Variants in OPCML observed in about 807,000 individuals in gnomAD.
OPCML encodes the protein opioid-binding protein/cell adhesion molecule.
OPCML carries 13 observed loss-of-function variants against 37.8 expected under a neutral mutation model. The ratio of observed to expected loss-of-function variants is 0.34; its 90% CI spans 0.22 to 0.55. The LOEUF (loss-of-function observed/expected upper bound fraction) is 0.55. OPCML is among the 20% of genes least tolerant of loss of function. OPCML has a pLI of 0.91. For missense variants in OPCML, 341 were observed against 435.6 expected (o/e 0.78, Z 1.93); for synonymous variants, 176 against 168.8 (o/e 1.04, Z -0.33).
chr11:133,003,103 G>T (rs1459985308), intron 1 of OPCML, among the ~76,000 whole-genome samples: 1 of 152,196 alleles, frequency 6.6e-6, no homozygotes. Flanking sequence ...AAGAAGATTT[G>T]CTTCATTAAG....
At chr11:132,546,389 G>C (rs1040408691) in intron 3 of OPCML, among the ~76,000 whole-genome samples, 3 of 152,130 alleles carry the variant, frequency 2.0e-5, no homozygotes, top group Non-Finnish European at 2.9e-5. Context: ...CACCCAAGTA[G>C]TATACACTGC....
intron 1 of OPCML, among the ~76,000 whole-genome samples, chr11:133,317,629 T>G (rs1214548837): frequency 6.6e-6 from 1 of 152,232 alleles, no homozygotes; most frequent in Non-Finnish European, 1.5e-5. Flanking sequence ...GTATTTGTCA[T>G]ATGTTTATGG....
At chr11:132,635,576 A>G (rs1940440566) in intron 3 of OPCML, among the ~76,000 whole-genome samples, 1 of 94,308 alleles carries the variant, frequency 1.1e-5, no homozygotes, top group African/African-American at 4.1e-5. Flanking sequence ...TGTCTTGCCT[A>G]CCAGAGAAAT....
chr11:133,185,704 A>G (rs1050841786), intron 1 of OPCML, among the ~76,000 whole-genome samples: 7 of 152,210 alleles, frequency 4.6e-5, no homozygotes, highest in South Asian at 4.1e-4. Flanking sequence ...TGAGAACAAA[A>G]AAAACAACCG....
intron 4 of OPCML, among the ~76,000 whole-genome samples, chr11:132,485,082 T>C (rs2096195211): frequency 2.1e-5 from 3 of 146,206 alleles, no homozygotes; most frequent in Non-Finnish European, 3.0e-5. Flanking sequence ...AAAAAAATAA[T>C]AATAATAAAA....
intron 3 of OPCML, among the ~76,000 whole-genome samples, chr11:132,550,909 T>A (rs2096380116): frequency 6.6e-6 from 1 of 152,218 alleles, no homozygotes; most frequent in South Asian, 2.1e-4. Context: ...CTAGTTAAAA[T>A]TTATTTTTTG....
intron 1 of OPCML, among the ~76,000 whole-genome samples, chr11:132,962,699 C>T (rs937255875): frequency 3.9e-5 from 6 of 152,230 alleles, no homozygotes; most frequent in African/African-American, 1.4e-4. Context: ...GTACCATCCC[C>T]ACCTTGGAGC....
intron 2 of OPCML, among the ~76,000 whole-genome samples, chr11:132,666,614 A>G (rs190540043): frequency 5.3e-5 from 8 of 152,366 alleles, no homozygotes; most frequent in African/African-American, 1.9e-4. Flanking sequence ...AAGAAGTAAC[A>G]TAATTGTTAG....
intron 2 of OPCML, among the ~76,000 whole-genome samples, chr11:132,693,227 G>A (rs563750697): frequency 1.3e-5 from 2 of 152,338 alleles, no homozygotes; most frequent in Non-Finnish European, 2.9e-5. Context: ...GACAAGGGGA[G>A]TGAGTGGAAG....
chr11:133,371,303 A>G (rs1446593884), intron 1 of OPCML, among the ~76,000 whole-genome samples: 1 of 152,216 alleles, frequency 6.6e-6, no homozygotes, highest in East Asian at 1.9e-4. Flanking sequence ...CTGACCTACT[A>G]CTGGGTATTT....
chr11:132,775,723 C>T (rs1399702452), intron 2 of OPCML, among the ~76,000 whole-genome samples: 2 of 152,210 alleles, frequency 1.3e-5, no homozygotes, highest in Non-Finnish European at 2.9e-5. Flanking sequence ...CCTGCAGAGG[C>T]TCCTAGAAAA....
intron 3 of OPCML, among the ~76,000 whole-genome samples, chr11:132,606,821 G>C (rs977809681): frequency 1.3e-5 from 2 of 152,166 alleles, no homozygotes; most frequent in African/African-American, 4.8e-5. Context: ...TGGACTTGGG[G>C]CTGGAATTGA....
At chr11:133,026,576 A>G (rs4575288) in intron 1 of OPCML, 572,741 of 983,316 alleles carry the variant, frequency 0.58, 168,137 homozygotes, top group East Asian at 0.81. Flanking sequence ...GTCTAGGTGA[A>G]ACTGTGATTC....
At chr11:133,382,965 G>C (rs2136785433) in intron 1 of OPCML, among the ~76,000 whole-genome samples, 1 of 152,274 alleles carries the variant, frequency 6.6e-6, no homozygotes, top group East Asian at 1.9e-4. Flanking sequence ...CAGAGTAATG[G>C]CACAGACATG....
intron 2 of OPCML, among the ~76,000 whole-genome samples, chr11:132,743,443 T>C (rs1945505052): frequency 6.6e-6 from 1 of 152,176 alleles, no homozygotes; most frequent in Non-Finnish European, 1.5e-5. Flanking sequence ...GGAAGGATTA[T>C]GGGAAGGACA....
At chr11:132,700,235 C>T (rs1943754280) in intron 2 of OPCML, among the ~76,000 whole-genome samples, 1 of 151,220 alleles carries the variant, frequency 6.6e-6, no homozygotes, top group Non-Finnish European at 1.5e-5. Flanking sequence ...TCTTGTTTGT[C>T]CTTTTAAAAA....
intron 2 of OPCML, among the ~76,000 whole-genome samples, chr11:132,847,595 A>G (rs1941605935): frequency 6.6e-6 from 1 of 152,166 alleles, no homozygotes; most frequent in Non-Finnish European, 1.5e-5. Context: ...GGGAGAGCAA[A>G]GGCAGGAAGT....
intron 1 of OPCML, among the ~76,000 whole-genome samples, chr11:133,106,742 G>A (rs905844084): frequency 6.6e-6 from 1 of 152,190 alleles, no homozygotes; most frequent in African/African-American, 2.4e-5. Context: ...GGGGAGTGGA[G>A]AAGACAAAAA....
intron 4 of OPCML, among the ~76,000 whole-genome samples, chr11:132,440,193 T>C (rs1289096102): frequency 1.3e-5 from 2 of 152,020 alleles, no homozygotes; most frequent in African/African-American, 2.4e-5. Context: ...ACAGCAGAAA[T>C]GGAAGGAAGG....
Sources: allele counts gnomAD v4.1 joint callset (sites outside exome capture counted in the v4.1 genomes callset), GRCh38; gene constraint gnomAD v4.1.1; transcripts MANE v1.5; gene names NCBI Gene and HGNC (gene_info 2026-07-23, HGNC 2026-07-21).